REV1: variants seen among roughly 807,000 people sequenced by gnomAD.
REV1 encodes REV1 DNA directed polymerase, also known as translesion synthesis protein REV1.
REV1 carries 42 observed loss-of-function variants against 137.4 expected under a neutral mutation model. The observed-to-expected ratio is 0.31, with a 90% CI of 0.24 to 0.40. The LOEUF (loss-of-function observed/expected upper bound fraction) is 0.40, where lower values mean the gene tolerates loss of function less well. Ranked by LOEUF, REV1 falls within the 10% of genes least tolerant of loss-of-function variation. The pLI is 1.00. For synonymous variants in REV1, 524 were observed against 519.2 expected, an observed-to-expected ratio of 1.01 and a Z score of -0.12; for missense variants, 1,282 against 1,490.1, an observed-to-expected ratio of 0.86 and a Z score of 2.30.
At chr2:99,424,880 G>A (rs905641643) in intron 9 of REV1, 9 of 1,302,240 alleles carry the variant, frequency 6.9e-6, no homozygotes, top group Non-Finnish European at 7.1e-6. Context: ...AGGAGCCAGG[G>A]TTCCAGAACT....
At chr2:99,404,338 TGTG>T in intron 18 of REV1, 103 bp downstream of exon 18, 1 of 717,726 alleles carries the variant, frequency 1.4e-6, no homozygotes, top group Non-Finnish European at 2.3e-6. Flanking sequence ...CCCCAGTGGA[TGTG>T]GTGTCAGATA....
chr2:99,402,784 G>A lies in REV1; in HGVS notation c.3401C>T (p.Ser1134Phe). ...AEKPLEELSA[S>F]TSGVPGLSSL... Reference sequence around the variant, plus strand: ...AGAAAGGCCTGGCACACCTGAAGTAGAAGCAGAGAGTTCTTCCTGTTAAGA... The same window carrying A: ...AGAAAGGCCTGGCACACCTGAAGTAAAAGCAGAGAGTTCTTCCTGTTAAGA... Residue 1134 changes from serine (S) to phenylalanine (F), a missense_variant, in exon 21 of 23, where the codon TCT (serine) becomes TTT (phenylalanine). This residue lies in a region of REV1 where 170 missense variants were observed against 156.8 expected (regional missense o/e 1.08). Transcript: ENST00000258428. 6.2e-7 allele frequency: 1 copy of A among 1,614,218 alleles called. No homozygotes were observed. Among genetic ancestry groups the A allele is most frequent in the Admixed American group, 1.7e-5 (1 of 60,024 alleles).
chr2:99,450,551 A>G (rs1682806482), intron 3 of REV1, among the ~76,000 whole-genome samples: 1 of 152,070 alleles, frequency 6.6e-6, no homozygotes, highest in African/African-American at 2.4e-5. Flanking sequence ...ATAAAAAACT[A>G]ACAGCACATA....
At chr2:99,431,698 G>A (rs1188451336) in intron 8 of REV1, 2 of 984,406 alleles carry the variant, frequency 2.0e-6, no homozygotes, top group East Asian at 1.1e-4. Flanking sequence ...GCCCTGGCCT[G>A]AGAGGCAGCA....
At chr2:99,428,909 A>G (rs959919769) in intron 9 of REV1, among the ~76,000 whole-genome samples, 16 of 150,756 alleles carry the variant, frequency 1.1e-4, no homozygotes, top group South Asian at 4.2e-4. Flanking sequence ...GGAGAATGGC[A>G]TGAACCTGGG....
intron 1 of REV1, among the ~76,000 whole-genome samples, chr2:99,470,288 TTAAC>T (rs1342256246): frequency 3.3e-5 from 5 of 151,870 alleles, no homozygotes; most frequent in East Asian, 1.9e-4. Context: ...AGTCTGTTGA[TTAAC>T]TAATGAAATT....
At chr2:99,482,162 A>G (rs1204052042) in intron 1 of REV1, among the ~76,000 whole-genome samples, 1 of 152,210 alleles carries the variant, frequency 6.6e-6, no homozygotes, top group Non-Finnish European at 1.5e-5. Flanking sequence ...AATCATACCT[A>G]TGTAATAAAA....
chr2:99,485,407 C>G (rs1476379042), intron 1 of REV1, among the ~76,000 whole-genome samples: 1 of 152,178 alleles, frequency 6.6e-6, no homozygotes, highest in Non-Finnish European at 1.5e-5. Flanking sequence ...CAAATATAAT[C>G]TGAGGGGAAA....
At chr2:99,473,365 CAAA>C (rs10645145) in intron 1 of REV1, among the ~76,000 whole-genome samples, 1 of 112,086 alleles carries the variant, frequency 8.9e-6, no homozygotes, top group Non-Finnish European at 1.8e-5. Context: ...GAGACTGTCT[CAAA>C]AAAAAAAAAA....
chr2:99,484,292 G>C (rs1180081867), intron 1 of REV1, among the ~76,000 whole-genome samples: 1 of 152,108 alleles, frequency 6.6e-6, no homozygotes, highest in Admixed American at 6.6e-5. Flanking sequence ...TAATACCTGA[G>C]TGATGAAACA....
At chr2:99,476,581 G>A (rs1385322079) in intron 1 of REV1, among the ~76,000 whole-genome samples, 1 of 149,382 alleles carries the variant, frequency 6.7e-6, no homozygotes. Flanking sequence ...TAATAATAAT[G>A]TCCACCCTGT....
At chr2:99,435,628 G>T (rs1322560705) in intron 7 of REV1, 4 of 372,010 alleles carry the variant, frequency 1.1e-5, no homozygotes, top group Non-Finnish European at 1.9e-5. Flanking sequence ...AGCTGAAGAT[G>T]AATATTCTTC....
chr2:99,406,729 C>A, intron 15 of REV1: 1 of 323,906 alleles, frequency 3.1e-6, no homozygotes, highest in Non-Finnish European at 5.5e-6. Flanking sequence ...CAAAATATAC[C>A]AAAAGATCTT....
At chr2:99,431,497 A>G (rs1019331920) in intron 8 of REV1, among the ~76,000 whole-genome samples, 1 of 152,068 alleles carries the variant, frequency 6.6e-6, no homozygotes, top group African/African-American at 2.4e-5. Context: ...ACCCCAAAAA[A>G]AGGAGTGCTG....
At position 99,447,494 on chromosome 2, in the gene REV1, G is replaced by A. The variant is rs560169060; in HGVS notation, c.350+1842C>T. Among the ~76,000 whole-genome samples, 328 of 152,090 alleles carry A rather than the reference G, an allele frequency of 2.2e-3. 4 individuals carry two copies. Among genetic ancestry groups the A allele is most frequent in the African/African-American group, 7.3e-3 (304 of 41,504 alleles). On this transcript the variant is annotated intron_variant, in intron 4 of 22. Transcript: ENST00000258428. ...CAATATATTTGACTTTCTAGAGATA[G>A]TAATGTACTTTTGAATTTTTGGAAT...
intron 9 of REV1, 197 bp from the exon 10 acceptor site, chr2:99,424,477 A>G (rs1679082139): frequency 3.3e-6 from 2 of 601,240 alleles, no homozygotes; most frequent in South Asian, 2.0e-5. Context: ...AATAGTGTAA[A>G]TGACACATGT....
intron 13 of REV1, 65 bp from the exon 14 acceptor site, chr2:99,410,932 A>C: frequency 7.2e-7 from 1 of 1,379,820 alleles, no homozygotes; most frequent in Non-Finnish European, 9.8e-7. Context: ...AATTGTTCTC[A>C]AGTATTTTAA....
chr2:99,408,394 A>G (rs568403306), intron 14 of REV1: 1 of 267,646 alleles, frequency 3.7e-6, no homozygotes, highest in Non-Finnish European at 6.9e-6. Flanking sequence ...AACTAAAAAT[A>G]AGTTGAGAAA....
intron 8 of REV1, among the ~76,000 whole-genome samples, chr2:99,432,248 A>G (rs1487940937): frequency 6.6e-6 from 1 of 152,190 alleles, no homozygotes; most frequent in Non-Finnish European, 1.5e-5. Flanking sequence ...CAACTAAGAA[A>G]CTAAAGTTTC....
Sources: allele counts gnomAD v4.1 joint callset (sites outside exome capture counted in the v4.1 genomes callset), GRCh38; gene constraint gnomAD v4.1.1; regional missense constraint gnomAD v4.1.1; transcripts MANE v1.5; gene names NCBI Gene and HGNC (gene_info 2026-07-23, HGNC 2026-07-21).